The following HDHD3 variants were observed in gnomAD, a reference collection of about 807,000 sequenced individuals.
HDHD3 encodes haloacid dehalogenase-like hydrolase domain-containing protein 3.
HDHD3 carries 6 observed loss-of-function variants against 6.9 expected under a neutral mutation model. The ratio of observed to expected loss-of-function variants is 0.87; its 90% CI spans 0.48 to 1.72. The LOEUF (loss-of-function observed/expected upper bound fraction) is 1.72. HDHD3 is among the 40% of genes most tolerant of loss of function. The probability of loss-of-function intolerance (pLI) is 0.01; values close to 1 mark genes in which losing one functional copy is unlikely to be tolerated. For missense variants in HDHD3, 308 were observed against 327.4 expected, an observed-to-expected ratio of 0.94 and a Z score of 0.46; for synonymous variants, 139 against 140.7, an observed-to-expected ratio of 0.99 and a Z score of 0.08.
rs114142761 is a variant in HDHD3, at chr9:113,374,229, G to A, written c.126C>T (p.Pro42=). Residue 42 remains proline (P), a synonymous_variant, in exon 3 of 3, where the codon CCC becomes CCT. Transcript: ENST00000374180. The part of the protein sequence containing the change: ...KARAHGLEVE[P]SALEQGFRQA... ...GCCTGAAGCCTTGTTCCAGGGCTGA[G>A]GGCTCCACCTCCAGCCCATGGGCCC... is the stretch of plus-strand genomic sequence containing the variant. 4.0e-5 allele frequency: 65 copies of A among 1,606,976 alleles called. No individual in the cohort carries two copies. In the African/African-American group the frequency reaches 8.1e-4, roughly 20 times the overall value.
At position 113,373,527 on chromosome 9, in the gene HDHD3, G is replaced by A. The variant is rs1834380359; in HGVS notation, c.*72C>T. 2 of 1,454,080 alleles carry A rather than the reference G, an allele frequency of 1.4e-6. No individual in the cohort carries two copies. Among genetic ancestry groups the A allele is most frequent in the African/African-American group, 2.8e-5 (2 of 70,580 alleles). The allele number at this position is 1,454,080 out of a possible 1,614,324, so 90.1% of individuals were successfully genotyped here. ...AGGTCCAGAGCTGTGGAGAAAGAAG[G>A]GGCTCCCTGTCTCCAGGGTTTGTTT... On this transcript the variant is annotated 3_prime_UTR_variant, in exon 3 of 3. Transcript: ENST00000374180.
At chr9:113,376,660 C>T (rs1260812907) in intron 1 of HDHD3, 69 bp downstream of exon 1, 2 of 151,752 alleles carry the variant, frequency 1.3e-5, no homozygotes, top group East Asian at 1.9e-4. Flanking sequence ...GCCACCGCGC[C>T]CGGCAGGGCT....
chr9:113,374,798 A>C, intron 2 of HDHD3, among the ~76,000 whole-genome samples: 1 of 152,260 alleles, frequency 6.6e-6, no homozygotes, highest in East Asian at 1.9e-4. Flanking sequence ...AGATACCGTA[A>C]GGATCTAAAT....
At position 113,374,068 on chromosome 9, in the gene HDHD3, G is replaced by A. The variant is rs1262070453; in HGVS notation, c.287C>T (p.Pro96Leu). Residue 96 changes from proline to leucine, a missense_variant, in exon 3 of 3, where the codon CCC (proline) becomes CTC (leucine). Pro to Leu is a moderately conservative substitution (Grantham distance 98). Transcript: ENST00000374180. The stretch of plus-strand genomic sequence containing the variant: ...GTCTTTATAAAGCTGTTCAGCGATG[G>A]GGGCTACAGCCTGAGCATCCTGGAC... ...AGVQDAQAVA[P>L]IAEQLYKDFS... 6.2e-7 allele frequency: 1 copy of A among 1,613,098 alleles called. No individual in the cohort carries two copies. Among genetic ancestry groups the A allele is most frequent in the Non-Finnish European group, 8.5e-7 (1 of 1,179,150 alleles).
At chr9:113,374,903 T>G (rs1253543965) in intron 2 of HDHD3, among the ~76,000 whole-genome samples, 4 of 109,106 alleles carry the variant, frequency 3.7e-5, no homozygotes, top group African/African-American at 7.9e-5. Flanking sequence ...TGAGACAGGG[T>G]CTCTCTCTGT....
chr9:113,374,533 G>T lies in HDHD3; in HGVS notation c.-175-4C>A. The T allele has an allele frequency of 2.1e-6, 1 of 479,430 alleles. No homozygotes were observed. The highest frequency in any genetic ancestry group is 3.5e-6 in the Non-Finnish European group (1 of 285,116). 29.7% of individuals were successfully genotyped at this position (479,430 alleles called of 1,614,324 possible). On this transcript the variant is annotated splice_region_variant and splice_polypyrimidine_tract_variant and intron_variant, in intron 2 of 2. Coordinates refer to ENST00000374180, the MANE Select transcript of HDHD3 (RefSeq NM_001304509.2). The stretch of plus-strand genomic sequence containing the variant: ...AATGTCTTCACAGCACAAGATCCTA[G>T]AATGAAAAATAGCAGGTAAGGTGGA...
chr9:113,374,031 G>A lies in HDHD3; in HGVS notation c.324C>T (p.Pro108=), dbSNP rs933613476. ...CCCCATCCAACACCTGCCAGGTGCA[G>A]GGGTGGCTGAAGTCTTTATAAAGCT... ...AEQLYKDFSH[P]CTWQVLDGAE... Residue 108 remains proline (P), a synonymous_variant, in exon 3 of 3, where the codon CCC becomes CCT. Coordinates refer to ENST00000374180, the MANE Select transcript of HDHD3 (RefSeq NM_001304509.2). The A allele has an allele frequency of 1.2e-6, 2 of 1,614,172 alleles. No homozygotes were observed. The highest frequency in any genetic ancestry group is 8.5e-7 in the Non-Finnish European group (1 of 1,180,016).
chr9:113,374,483 G>T lies in HDHD3; in HGVS notation c.-129C>A. On this transcript the variant is annotated 5_prime_UTR_variant, in exon 3 of 3. Transcript: ENST00000374180. ...TTTCCAGGCCTTGTGGGTCAGATTTGCTGGCTAACATGAAGCACTTGGGAA... is the reference window on the plus strand; with the variant it reads ...TTTCCAGGCCTTGTGGGTCAGATTTTCTGGCTAACATGAAGCACTTGGGAA... The T allele has an allele frequency of 1.3e-6, 1 of 789,504 alleles. No individual in the cohort carries two copies. Among genetic ancestry groups the T allele is most frequent in the Non-Finnish European group, 1.8e-6 (1 of 543,624 alleles). The allele number at this position is 789,504 out of a possible 1,614,324, so 48.9% of individuals were successfully genotyped here.
Position 113,373,457 on chromosome 9 carries a change from C to CT in HDHD3, c.*141dup. 1 of 888,430 alleles carries CT rather than the reference C, an allele frequency of 1.1e-6. No individual in the cohort carries two copies. The highest frequency in any genetic ancestry group is 1.7e-5 in the African/African-American group (1 of 60,180). The allele number at this position is 888,430 out of a possible 1,614,324, so 55.0% of individuals were successfully genotyped here. On this transcript the variant is annotated 3_prime_UTR_variant, in exon 3 of 3. Coordinates refer to ENST00000374180, the MANE Select transcript of HDHD3 (RefSeq NM_001304509.2). ...AAGGGTGAGAGCTCAGCACTCACTG[C>CT]TTTATTATCACAGTAGGTGACAAAG...
At chr9:113,375,067 C>T (rs1588074615) in intron 2 of HDHD3, among the ~76,000 whole-genome samples, 1 of 148,924 alleles carries the variant, frequency 6.7e-6, no homozygotes, top group South Asian at 2.2e-4. Context: ...GGTGGTGGGG[C>T]GGGGTGGGTC....
At position 113,374,111 on chromosome 9, in the gene HDHD3, TCTGCAG is replaced by T; in HGVS notation, c.238_243del (p.Leu80_Gln81del). The T allele has an allele frequency of 6.2e-7, 1 of 1,603,422 alleles. No homozygotes were observed. Among genetic ancestry groups the T allele is most frequent in the South Asian group, 1.1e-5 (1 of 90,778 alleles). The stretch of plus-strand genomic sequence containing the variant: ...TCCTGGACACCCGCCAGGTGGAAGG[TCTGCAG>T]GACCACATCCAGCCACCACTGGCGG... On this transcript the variant is annotated inframe_deletion, in exon 3 of 3. Coordinates refer to ENST00000374180, the MANE Select transcript of HDHD3 (RefSeq NM_001304509.2).
Position 113,374,477 on chromosome 9 carries a change from A to G in HDHD3, c.-123T>C. On this transcript the variant is annotated 5_prime_UTR_variant, in exon 3 of 3. It removes the in-frame stop codon of an upstream open reading frame in the 5' UTR. Coordinates refer to ENST00000374180, the MANE Select transcript of HDHD3 (RefSeq NM_001304509.2). ...CACCTCTTTCCAGGCCTTGTGGGTC[A>G]GATTTGCTGGCTAACATGAAGCACT... The G allele has an allele frequency of 1.2e-6, 1 of 852,766 alleles. No individual in the cohort carries two copies. The highest frequency in any genetic ancestry group is 1.7e-6 in the Non-Finnish European group (1 of 598,926). 52.8% of individuals were successfully genotyped at this position (852,766 alleles called of 1,614,324 possible). A position where few individuals can be genotyped will look rare whatever the true frequency, so the allele number is the denominator to read the frequency against.
rs760564680 is a variant in HDHD3, at chr9:113,374,228, A to G, written c.127T>C (p.Ser43Pro). Residue 43 changes from serine (S) to proline (P), a missense_variant, in exon 3 of 3, where the codon TCA becomes CCA. Transcript: ENST00000374180. ...ARAHGLEVEP[S>P]ALEQGFRQAY... ...TGCCTGAAGCCTTGTTCCAGGGCTG[A>G]GGGCTCCACCTCCAGCCCATGGGCC... 22 of 1,606,824 alleles carry G rather than the reference A, an allele frequency of 1.4e-5. 1 individual carries two copies. The South Asian group carries it at 2.4e-4, about 18-fold the overall frequency.
rs145355705 is a variant in HDHD3, at chr9:113,373,905, C to G, written c.450G>C (p.Leu150=). The G allele has an allele frequency of 2.5e-6, 4 of 1,614,140 alleles. No individual in the cohort carries two copies. The highest frequency in any genetic ancestry group is 3.4e-6 in the Non-Finnish European group (4 of 1,180,046). Residue 150 remains leucine (L), a synonymous_variant, in exon 3 of 3, where the codon CTG becomes CTC. Transcript: ENST00000374180. ...RLEGILGGLG[L]REHFDFVLTS... is the part of the protein sequence containing the mutation. ...TCAGCACAAAGTCGAAGTGTTCACG[C>G]AGGCCAAGGCCCCCCAGGATGCCCT...
In HDHD3 at chr9:113,373,427, G is replaced by T; in HGVS notation, c.*172C>A. The T allele has an allele frequency of 1.7e-6, 1 of 603,836 alleles. No homozygotes were observed. Among genetic ancestry groups the T allele is most frequent in the Non-Finnish European group, 2.7e-6 (1 of 368,628 alleles). 37.4% of individuals were successfully genotyped at this position (603,836 alleles called of 1,614,324 possible). On this transcript the variant is annotated 3_prime_UTR_variant, in exon 3 of 3. Coordinates refer to ENST00000374180, the MANE Select transcript of HDHD3 (RefSeq NM_001304509.2). The stretch of plus-strand genomic sequence containing the variant: ...GGGCAGAGGCTAGGAGCTGGTTAGT[G>T]GGGGAAGGGTGAGAGCTCAGCACTC...
chr9:113,373,792 G>A lies in HDHD3; in HGVS notation c.563C>T (p.Ala188Val). 1.9e-6 allele frequency: 3 copies of A among 1,612,368 alleles called. No individual in the cohort carries two copies. In the South Asian group the frequency reaches 3.3e-5, roughly 18 times the overall value. The change falls in exon 3 of 3, where the codon GCC (alanine) becomes GTC (valine). Residue 188 changes from alanine (A) to valine (V), a missense_variant. Transcript: ENST00000374180. Reference protein sequence around the residue: ...RLAHMEPVVAAHVGDNYLCDY... With the variant: ...RLAHMEPVVAVHVGDNYLCDY... Reference sequence around the variant, plus strand: ...GCAGAGGTAATTATCCCCAACATGGGCTGCCACTACTGGTTCCATATGAGC... The same window carrying A: ...GCAGAGGTAATTATCCCCAACATGGACTGCCACTACTGGTTCCATATGAGC...
Position 113,375,507 on chromosome 9 carries a change from C to G in HDHD3, c.-230G>C, listed in dbSNP as rs1438997719. On this transcript the variant is annotated 5_prime_UTR_variant, in exon 2 of 3. Transcript: ENST00000374180. ...CAGGACCAGAACCCAAACTTCCAGA[C>G]TCTCTGGCCAGTTCTTCCACTGTAC... is the stretch of plus-strand genomic sequence containing the variant. The G allele has an allele frequency of 6.6e-6, 1 of 152,310 alleles. No individual in the cohort carries two copies. The highest frequency in any genetic ancestry group is 1.5e-5 in the Non-Finnish European group (1 of 68,102). 9.4% of individuals were successfully genotyped at this position (152,310 alleles called of 1,614,324 possible). A position where few individuals can be genotyped will look rare whatever the true frequency, so the allele number is the denominator to read the frequency against.
intron 2 of HDHD3, 46 bp from the exon 3 acceptor site, chr9:113,374,575 T>G: frequency 2.4e-6 from 1 of 419,440 alleles, no homozygotes; most frequent in Non-Finnish European, 4.2e-6. Flanking sequence ...GGCCCTGACA[T>G]CAGACAGACT....
chr9:113,373,570 C>T lies in HDHD3; in HGVS notation c.*29G>A. 6.5e-7 allele frequency: 1 copy of T among 1,530,240 alleles called. No individual in the cohort carries two copies. Among genetic ancestry groups the T allele is most frequent in the Non-Finnish European group, 8.8e-7 (1 of 1,140,574 alleles). The allele number at this position is 1,530,240 out of a possible 1,614,324, so 94.8% of individuals were successfully genotyped here. ...GTTTGTTTAAGGTTTTCTCCATGGC[C>T]TAGGGCCCAGCCACTTCCCTCACTG... is the stretch of plus-strand genomic sequence containing the variant. On this transcript the variant is annotated 3_prime_UTR_variant, in exon 3 of 3. Coordinates refer to ENST00000374180, the MANE Select transcript of HDHD3 (RefSeq NM_001304509.2).
Sources: gnomAD v4.1 joint callset for allele counts (sites outside exome capture counted in the v4.1 genomes callset) on GRCh38, gnomAD v4.1.1 for gene constraint, MANE v1.5 for transcripts, NCBI Gene and HGNC (gene_info 2026-07-23, HGNC 2026-07-21) for gene names.